NPAS2: variants seen among roughly 807,000 people sequenced by gnomAD.
NPAS2 encodes the protein neuronal PAS domain-containing protein 2.
In NPAS2, 23 loss-of-function variants were observed where a neutral mutation model predicts 107.5. The ratio of observed to expected loss-of-function variants is 0.21; its 90% CI spans 0.15 to 0.30. The LOEUF (loss-of-function observed/expected upper bound fraction) is 0.30. Among genes scored for constraint, NPAS2 ranks in the 10% least tolerant of loss-of-function variants. The pLI, the probability that NPAS2 is intolerant of heterozygous loss-of-function variation, is 1.00. For missense variants in NPAS2, 756 were observed against 1,043.3 expected (o/e 0.72, Z 3.79); for synonymous variants, 403 against 417.5 (o/e 0.97, Z 0.42).
chr2:100,873,293 TATATATATATATATACACACACACACAC>T (rs1679717427), intron 1 of NPAS2, among the ~76,000 whole-genome samples: 1 of 45,746 alleles, frequency 2.2e-5, no homozygotes, highest in South Asian at 9.1e-4. Flanking sequence ...TATATATATA[TATATATATATATATACACACACACACAC>T]ACACACACAC....
chr2:100,853,076 G>T (rs1299581712), intron 1 of NPAS2, among the ~76,000 whole-genome samples: 1 of 152,090 alleles, frequency 6.6e-6, no homozygotes, highest in African/African-American at 2.4e-5. Flanking sequence ...AGAGTGAAGA[G>T]CCCTGTCTAC....
chr2:100,922,625 T>C (rs1251513758), intron 2 of NPAS2, among the ~76,000 whole-genome samples: 1 of 151,956 alleles, frequency 6.6e-6, no homozygotes, highest in Non-Finnish European at 1.5e-5. Flanking sequence ...GTTGTTGGAG[T>C]GTCTTTCAAA....
chr2:100,988,741 T>C (rs1384765007), intron 17 of NPAS2: 14 of 295,970 alleles, frequency 4.7e-5, no homozygotes, highest in Non-Finnish European at 8.3e-5. Context: ...AGGCGCCCCC[T>C]GCTCCTCCAG....
chr2:100,967,600 C>G (rs1676301095), intron 10 of NPAS2, among the ~76,000 whole-genome samples: 1 of 152,080 alleles, frequency 6.6e-6, no homozygotes, highest in Non-Finnish European at 1.5e-5. Flanking sequence ...GTGCTAAGTT[C>G]CAGGCACTAT....
intron 1 of NPAS2, among the ~76,000 whole-genome samples, chr2:100,902,097 C>G (rs1681822331): frequency 6.6e-6 from 1 of 152,084 alleles, no homozygotes; most frequent in African/African-American, 2.4e-5. Flanking sequence ...GCTCAAAATC[C>G]TTCTCACTGA....
intron 3 of NPAS2, among the ~76,000 whole-genome samples, chr2:100,928,731 A>T (rs2104917149): frequency 6.6e-6 from 1 of 152,328 alleles, no homozygotes; most frequent in African/African-American, 2.4e-5. Flanking sequence ...TAAAGCAAAA[A>T]ACAAAGCAAT....
chr2:100,870,160 A>T (rs954117884), intron 1 of NPAS2, among the ~76,000 whole-genome samples: 1 of 151,966 alleles, frequency 6.6e-6, no homozygotes, highest in Non-Finnish European at 1.5e-5. Flanking sequence ...TGGCCTCCCA[A>T]AGTGCTGGGA....
chr2:100,958,826 C>T (rs538982712), intron 7 of NPAS2, among the ~76,000 whole-genome samples: 5 of 152,094 alleles, frequency 3.3e-5, no homozygotes, highest in South Asian at 2.1e-4. Context: ...CCACACCAAC[C>T]GTCTAGTGGA....
At chr2:100,969,578 C>T (rs975081014) in intron 11 of NPAS2, among the ~76,000 whole-genome samples, 1 of 151,580 alleles carries the variant, frequency 6.6e-6, no homozygotes, top group Non-Finnish European at 1.5e-5. Flanking sequence ...ATTAGAAAAA[C>T]CTACTTGAAA....
At chr2:100,959,656 T>G (rs1675807358) in intron 7 of NPAS2, among the ~76,000 whole-genome samples, 2 of 152,346 alleles carry the variant, frequency 1.3e-5, no homozygotes, top group Admixed American at 1.3e-4. Flanking sequence ...TTAACAACTT[T>G]ATTCTTCCTG....
intron 2 of NPAS2, among the ~76,000 whole-genome samples, chr2:100,915,485 G>T (rs1682827275): frequency 6.6e-6 from 1 of 152,106 alleles, no homozygotes; most frequent in Non-Finnish European, 1.5e-5. Context: ...AGCTGAATCT[G>T]CATGGATCTG....
At chr2:100,917,212 C>G (rs533271674) in intron 2 of NPAS2, among the ~76,000 whole-genome samples, 3 of 152,092 alleles carry the variant, frequency 2.0e-5, no homozygotes, top group African/African-American at 7.2e-5. Context: ...ATAGAAAAAT[C>G]AACTAAACTA....
At chr2:100,956,045 C>A (rs1675548725) in intron 7 of NPAS2, among the ~76,000 whole-genome samples, 1 of 152,076 alleles carries the variant, frequency 6.6e-6, no homozygotes, top group Non-Finnish European at 1.5e-5. Flanking sequence ...GCTGGGACTA[C>A]AGGCGCATGC....
chr2:100,819,368 G>A (rs1402568700), upstream of NPAS2, among the ~76,000 whole-genome samples: 1 of 152,038 alleles, frequency 6.6e-6, no homozygotes, highest in African/African-American at 2.4e-5. This position sits in a 1 kb window ranked among gnomAD's most constrained non-coding sequence, Gnocchi z 5.8. Flanking sequence ...CCATTTTCCG[G>A]ACCAGCTACG....
At chr2:100,902,295 TCAA>T (rs1411006235) in intron 1 of NPAS2, among the ~76,000 whole-genome samples, 2 of 152,074 alleles carry the variant, frequency 1.3e-5, no homozygotes, top group Non-Finnish European at 2.9e-5. Context: ...ACACCCACAC[TCAA>T]CAGCAGCCGA....
intron 1 of NPAS2, among the ~76,000 whole-genome samples, chr2:100,882,402 G>A (rs1243609097): frequency 6.6e-6 from 1 of 152,194 alleles, no homozygotes; most frequent in Admixed American, 6.5e-5. Flanking sequence ...AAGGTCAGGA[G>A]TTCGAGACCA....
At chr2:100,863,881 T>G (rs1485594679) in intron 1 of NPAS2, among the ~76,000 whole-genome samples, 2 of 152,208 alleles carry the variant, frequency 1.3e-5, no homozygotes, top group Non-Finnish European at 2.9e-5. Flanking sequence ...CTCTCTCTCA[T>G]GGACAGTGTC....
At chr2:100,904,826 GC>G in intron 2 of NPAS2, 40 bp downstream of exon 2, 1 of 1,480,926 alleles carries the variant, frequency 6.8e-7, no homozygotes, top group Non-Finnish European at 9.3e-7. Flanking sequence ...GAGCTCTCTG[GC>G]CCCCGGGGGT....
At position 100,974,953 on chromosome 2, in the gene NPAS2, G is replaced by A. The variant is rs369628388; in HGVS notation, c.1282+9G>A. 44 of 1,613,466 alleles carry A rather than the reference G, an allele frequency of 2.7e-5. 1 individual carries two copies. The African/African-American group carries it at 3.1e-4, about 11-fold the overall frequency. On this transcript the variant is annotated intron_variant, in intron 13 of 20. Transcript: ENST00000335681. ...CATGTCAGAACCCACCTGTGAGTGC[G>A]AGTCCATGGATGGGGAGTGGGATGT...
Sources: allele counts gnomAD v4.1 joint callset (sites outside exome capture counted in the v4.1 genomes callset), GRCh38; gene constraint gnomAD v4.1.1; non-coding constraint Gnocchi (gnomAD v3.1); transcripts MANE v1.5; gene names NCBI Gene and HGNC (gene_info 2026-07-23, HGNC 2026-07-21).